Variants in ANKRD29 observed in about 807,000 individuals in gnomAD.
ANKRD29 encodes the protein ankyrin repeat domain-containing protein 29.
A neutral mutation model predicts 38.0 loss-of-function variants in ANKRD29; 32 were observed. The ratio of observed to expected loss-of-function variants is 0.84; its 90% CI spans 0.64 to 1.13. The LOEUF is 1.13. ANKRD29 is among the 50% of genes most tolerant of loss of function. The pLI is 0.00. For synonymous variants in ANKRD29, 135 were observed against 152.4 expected (o/e 0.89, Z 0.84); for missense variants, 357 against 377.9 (o/e 0.94, Z 0.46).
intron 1 of ANKRD29, 89 bp downstream of exon 1, chr18:23,662,621 C>CCAG: frequency 7.7e-6 from 3 of 389,106 alleles, no homozygotes; most frequent in Non-Finnish European, 1.4e-5. Context: ...GCGCCCACCC[C>CCAG]ATCCCACCCC....
intron 6 of ANKRD29, among the ~76,000 whole-genome samples, chr18:23,628,991 T>C (rs1268537717): frequency 6.6e-6 from 1 of 152,240 alleles, no homozygotes; most frequent in Non-Finnish European, 1.5e-5. Flanking sequence ...TAAAAATCAT[T>C]ACTCTTTTTT....
At chr18:23,662,617 A>AACCCCCC in intron 1 of ANKRD29, 93 bp downstream of exon 1, 1 of 137,646 alleles carries the variant, frequency 7.3e-6, no homozygotes, top group East Asian at 1.2e-4. Context: ...GGCAGCGCCC[A>AACCCCCC]CCCCATCCCA....
intron 3 of ANKRD29, among the ~76,000 whole-genome samples, chr18:23,639,711 T>G (rs1257487404): frequency 1.3e-5 from 2 of 152,080 alleles, no homozygotes; most frequent in African/African-American, 2.4e-5. Context: ...ATTTTTTGTA[T>G]TTTTAGTAGA....
At chr18:23,605,687 T>C (rs911745104) in intron 9 of ANKRD29, among the ~76,000 whole-genome samples, 1 of 151,848 alleles carries the variant, frequency 6.6e-6, no homozygotes, top group East Asian at 1.9e-4. Flanking sequence ...CGACCATGCC[T>C]GGCTAATTTT....
At chr18:23,616,439 C>T (rs886817795) in intron 8 of ANKRD29, among the ~76,000 whole-genome samples, 25 of 148,586 alleles carry the variant, frequency 1.7e-4, no homozygotes, top group Admixed American at 3.4e-4. Context: ...ATTACTTGAG[C>T]GCAAGAATTC....
Position 23,599,431 on chromosome 18 carries a change from A to G in ANKRD29, c.*1795T>C, listed in dbSNP as rs779902466. 11 of 152,258 alleles carry G rather than the reference A, an allele frequency of 7.2e-5. 1 individual carries two copies. The highest frequency in any genetic ancestry group is 1.6e-4 in the Non-Finnish European group (11 of 68,044). 9.4% of individuals were successfully genotyped at this position (152,258 alleles called of 1,614,324 possible). A position where few individuals can be genotyped will look rare whatever the true frequency, so the allele number is the denominator to read the frequency against. On this transcript the variant is annotated 3_prime_UTR_variant, in exon 10 of 10. Transcript: ENST00000592179. ...TTTTGGAACTTTGTTATCAGTACCC[A>G]TAACGTTTTGCTTTGTATCAGTGAT...
intron 6 of ANKRD29, among the ~76,000 whole-genome samples, chr18:23,624,728 C>T (rs1190414533): frequency 6.6e-6 from 1 of 152,042 alleles, no homozygotes; most frequent in Non-Finnish European, 1.5e-5. Flanking sequence ...GGAGTGAGTT[C>T]TCCATGCCTA....
At chr18:23,603,985 G>A (rs1227873997) in intron 9 of ANKRD29, among the ~76,000 whole-genome samples, 1 of 151,900 alleles carries the variant, frequency 6.6e-6, no homozygotes, top group East Asian at 1.9e-4. Flanking sequence ...TGGGATTATA[G>A]GTGCACACCA....
chr18:23,619,733 G>T, intron 6 of ANKRD29, 104 bp from the exon 7 acceptor site: 2 of 922,962 alleles, frequency 2.2e-6, no homozygotes, highest in Middle Eastern at 3.4e-4. Context: ...ACTCCGGGAA[G>T]GCACTCCCTG....
intron 1 of ANKRD29, among the ~76,000 whole-genome samples, chr18:23,655,735 G>A (rs988350587): frequency 4.0e-5 from 6 of 151,314 alleles, no homozygotes; most frequent in Admixed American, 6.6e-5. Context: ...GATTACAGGC[G>A]TGAGCCACCG....
At chr18:23,624,286 G>T (rs897059871) in intron 6 of ANKRD29, among the ~76,000 whole-genome samples, 7 of 151,380 alleles carry the variant, frequency 4.6e-5, no homozygotes, top group Non-Finnish European at 8.8e-5. Flanking sequence ...GGCCAATATG[G>T]CAAAACTCTG....
intron 2 of ANKRD29, chr18:23,646,838 A>G (rs1568044603): frequency 6.6e-6 from 1 of 152,620 alleles, no homozygotes; most frequent in Non-Finnish European, 1.5e-5. Flanking sequence ...AATTACTTGG[A>G]CTCATTTATT....
chr18:23,605,719 G>T (rs2059567573), intron 9 of ANKRD29, among the ~76,000 whole-genome samples: 1 of 151,944 alleles, frequency 6.6e-6, no homozygotes, highest in African/African-American at 2.4e-5. Context: ...TAGAGACGGG[G>T]TTTCACCATG....
intron 9 of ANKRD29, among the ~76,000 whole-genome samples, chr18:23,603,465 T>C (rs561626937): frequency 1.7e-4 from 26 of 152,226 alleles, no homozygotes; most frequent in African/African-American, 6.3e-4. Flanking sequence ...AAAACCTGTC[T>C]CCACTAAAAA....
intron 1 of ANKRD29, among the ~76,000 whole-genome samples, chr18:23,652,749 A>T (rs563151426): frequency 6.6e-6 from 1 of 152,360 alleles, no homozygotes; most frequent in Non-Finnish European, 1.5e-5. Flanking sequence ...GATCTCTACA[A>T]TAAAACCAAG....
chr18:23,637,277 T>C (rs140632490), intron 4 of ANKRD29, among the ~76,000 whole-genome samples: 2,027 of 152,354 alleles, frequency 0.013, 23 homozygotes, highest in Non-Finnish European at 0.017. Context: ...TAAAAAAATA[T>C]ATAGTATTAC....
rs2145622167 is a variant in ANKRD29 at position 23,601,108 on chromosome 18, A to G, written c.*118T>C. On this transcript the variant is annotated 3_prime_UTR_variant, in exon 10 of 10. Transcript: ENST00000592179. ...CTCTTCTTTGTCAGGGACCCACAGG[A>G]TGGGCATTCTGGGCATCTTTTTTTT... The G allele has an allele frequency of 1.1e-6, 1 of 870,466 alleles. No homozygotes were observed. Among genetic ancestry groups the G allele is most frequent in the Non-Finnish European group, 1.8e-6 (1 of 564,078 alleles). 53.9% of individuals were successfully genotyped at this position (870,466 alleles called of 1,614,324 possible).
chr18:23,603,716 C>T (rs952398932), intron 9 of ANKRD29, among the ~76,000 whole-genome samples: 25 of 152,122 alleles, frequency 1.6e-4, no homozygotes, highest in African/African-American at 5.8e-4. Flanking sequence ...TGGTAGATAC[C>T]TTGTTCTTTC....
chr18:23,604,234 T>G (rs1373690108), intron 9 of ANKRD29, among the ~76,000 whole-genome samples: 1 of 152,162 alleles, frequency 6.6e-6, no homozygotes, highest in East Asian at 1.9e-4. Context: ...TGACCATAGG[T>G]CAAAACGACC....
Sources: allele counts gnomAD v4.1 joint callset (sites outside exome capture counted in the v4.1 genomes callset), GRCh38; gene constraint gnomAD v4.1.1; transcripts MANE v1.5; gene names NCBI Gene and HGNC (gene_info 2026-07-23, HGNC 2026-07-21).